PCDHGA3: variants seen among roughly 807,000 people sequenced by gnomAD.
PCDHGA3 encodes the protein protocadherin gamma subfamily A, 3, also known as protocadherin gamma-A3.
In PCDHGA3, 40 loss-of-function variants were observed where a neutral mutation model predicts 58.5. The ratio of observed to expected loss-of-function variants is 0.68; its 90% confidence interval spans 0.53 to 0.89. The LOEUF is 0.89. Among genes scored for constraint, PCDHGA3 ranks in the 40% least tolerant of loss-of-function variants. PCDHGA3 has a pLI of 0.00. For missense variants in PCDHGA3, 1,223 were observed against 1,195.9 expected (o/e 1.02, Z -0.33); for synonymous variants, 530 against 525.7 (o/e 1.01, Z -0.11).
chr5:141,401,725 T>C lies in PCDHGA3; in HGVS notation c.2424+55268T>C, dbSNP rs2094187242. Among the ~76,000 whole-genome samples the C allele has an allele frequency of 2.0e-5, 3 of 152,322 alleles. No individual in the cohort carries two copies. In the South Asian group the frequency reaches 6.2e-4, roughly 32 times the overall value. ...ATTCCATTTTTAAGACAAAAACTAC[T>C]AGTCTTGTGTACATACAAAGCTCCC... On this transcript the variant is annotated intron_variant, in intron 1 of 3. Coordinates refer to ENST00000253812, the MANE Select transcript of PCDHGA3 (RefSeq NM_018916.4).
At chr5:141,452,879 A>C (rs1389712789) in intron 1 of PCDHGA3, among the ~76,000 whole-genome samples, 1 of 152,200 alleles carries the variant, frequency 6.6e-6, no homozygotes, top group Admixed American at 6.5e-5. Context: ...CATTTGTAAT[A>C]ATTTATTCCA....
chr5:141,420,005 C>T, intron 1 of PCDHGA3: 2 of 1,614,056 alleles, frequency 1.2e-6, no homozygotes, highest in Non-Finnish European at 1.7e-6. Context: ...TCTACGCCTG[C>T]GACAGTCTTT....
intron 1 of PCDHGA3, among the ~76,000 whole-genome samples, chr5:141,475,442 T>A (rs1007534176): frequency 1.3e-5 from 2 of 152,238 alleles, no homozygotes; most frequent in African/African-American, 4.8e-5. Context: ...TAGCTCCAGA[T>A]AATGAGGAAG....
intron 1 of PCDHGA3, chr5:141,379,577 A>G (rs949228726): frequency 6.6e-6 from 1 of 152,178 alleles, no homozygotes; most frequent in African/African-American, 2.4e-5. Flanking sequence ...AGGCTGGTTT[A>G]TTTTATTCTC....
rs756134036 is a variant in PCDHGA3 at position 141,374,596 on chromosome 5, G to GC, written c.2424+28140dup. On this transcript the variant is annotated intron_variant, in intron 1 of 3. Transcript: ENST00000253812. ...GAATGAACTCCCTTCAGGGATTTAA[G>GC]CTCAGTGGTAATAGTCACTTCTCAG... The GC allele has an allele frequency of 1.9e-6, 3 of 1,613,578 alleles. No homozygotes were observed. The African/African-American group carries it at 4.0e-5, about 22-fold the overall frequency.
At chr5:141,365,961 G>T in intron 1 of PCDHGA3, 1 of 1,614,244 alleles carries the variant, frequency 6.2e-7, no homozygotes, top group Non-Finnish European at 8.5e-7. Context: ...CCACTTAGCA[G>T]CAACGTGTCG....
intron 1 of PCDHGA3, among the ~76,000 whole-genome samples, chr5:141,456,023 G>A (rs937523861): frequency 1.3e-5 from 2 of 151,586 alleles, no homozygotes; most frequent in South Asian, 2.1e-4. Context: ...TCAGCCTCCC[G>A]AGTAGCTGGG....
rs749995138 is a variant in PCDHGA3 at position 141,408,745 on chromosome 5, G to A, written c.2424+62288G>A. The A allele has an allele frequency of 3.7e-6, 6 of 1,609,862 alleles. No homozygotes were observed. In the African/African-American group the frequency reaches 4.0e-5, roughly 11 times the overall value. ...ACTCTAATCCTTATTTTTCATTAAT[G>A]GTTAGAGTTAATTCCGATGGTGGCA... On this transcript the variant is annotated intron_variant, in intron 1 of 3. Transcript: ENST00000253812.
Position 141,485,575 on chromosome 5 carries a change from G to C in PCDHGA3, c.2425-9232G>C, listed in dbSNP as rs1200831125. On this transcript the variant is annotated intron_variant, in intron 1 of 3. Coordinates refer to ENST00000253812, the MANE Select transcript of PCDHGA3 (RefSeq NM_018916.4). This position sits in a 1 kb window ranked among gnomAD's most constrained non-coding sequence, Gnocchi z 5.7. ...TGAATGATCACGCCCCCCGTTTTCC[G>C]CGGCAGCAGCTGGACTTGGAAATTG... 2 of 1,612,496 alleles carry C rather than the reference G, an allele frequency of 1.2e-6. No homozygotes were observed. The highest frequency in any genetic ancestry group is 2.7e-5 in the African/African-American group (2 of 74,918).
At chr5:141,508,815 C>T (rs1190983144) in intron 3 of PCDHGA3, among the ~76,000 whole-genome samples, 1 of 152,138 alleles carries the variant, frequency 6.6e-6, no homozygotes, top group East Asian at 1.9e-4. Context: ...TCTTTGAAGC[C>T]AGATCTGGGC....
At chr5:141,405,659 G>T (rs867774573) in intron 1 of PCDHGA3, among the ~76,000 whole-genome samples, 1 of 152,106 alleles carries the variant, frequency 6.6e-6, no homozygotes, top group East Asian at 1.9e-4. Flanking sequence ...TGTGTTTTTA[G>T]TAGAGACGGG....
intron 1 of PCDHGA3, chr5:141,418,598 T>G: frequency 6.2e-7 from 1 of 1,614,010 alleles, no homozygotes; most frequent in Non-Finnish European, 8.5e-7. Flanking sequence ...CCAGGACGTG[T>G]ACAGGGTTAG....
chr5:141,486,901 T>A lies in PCDHGA3; in HGVS notation c.2425-7906T>A. The A allele has an allele frequency of 6.2e-7, 1 of 1,614,238 alleles. No homozygotes were observed. Among genetic ancestry groups the A allele is most frequent in the Non-Finnish European group, 8.5e-7 (1 of 1,180,042 alleles). ...CTCGGGCCCGGCCTGGTTCCTTATG[T>A]CCCCAAGCACTGCCTCCATCAGTTG... On this transcript the variant is annotated intron_variant, in intron 1 of 3. Transcript: ENST00000253812. This position sits in a 1 kb window ranked among gnomAD's most constrained non-coding sequence, Gnocchi z 5.0.
rs2154576188 is a variant in PCDHGA3 at position 141,477,933 on chromosome 5, T to C, written c.2425-16874T>C. ...GCGGATGCAGGGCACAATGCCTGGCTCTCCTACAGTCTCTTGGGATCCCCT... is the reference window on the plus strand; with the variant it reads ...GCGGATGCAGGGCACAATGCCTGGCCCTCCTACAGTCTCTTGGGATCCCCT... On this transcript the variant is annotated intron_variant, in intron 1 of 3. Coordinates refer to ENST00000253812, the MANE Select transcript of PCDHGA3 (RefSeq NM_018916.4). The surrounding 1 kb of genome is among the most constrained non-coding windows in gnomAD (Gnocchi z 4.9). 1.2e-6 allele frequency: 2 copies of C among 1,614,112 alleles called. No homozygotes were observed. Among genetic ancestry groups the C allele is most frequent in the Non-Finnish European group, 1.7e-6 (2 of 1,180,022 alleles).
chr5:141,376,351 G>C (rs1333788917), intron 1 of PCDHGA3: 31 of 1,614,060 alleles, frequency 1.9e-5, no homozygotes, highest in Non-Finnish European at 2.6e-5. Flanking sequence ...ATTCCCACGA[G>C]GTCTCACTCA....
chr5:141,376,309 C>A (rs775051431), intron 1 of PCDHGA3: 109 of 1,614,030 alleles, frequency 6.8e-5, no homozygotes, highest in Non-Finnish European at 8.9e-5. Context: ...ACTTTGTGGG[C>A]GTGGAAGGGG....
intron 1 of PCDHGA3, among the ~76,000 whole-genome samples, chr5:141,439,557 A>C (rs766239185): frequency 1.2e-4 from 19 of 152,178 alleles, no homozygotes; most frequent in Non-Finnish European, 2.2e-4. Context: ...TTCAGGCTGC[A>C]GTTCTAGAGT....
At chr5:141,408,955 T>G in intron 1 of PCDHGA3, 1 of 1,613,616 alleles carries the variant, frequency 6.2e-7, no homozygotes, top group South Asian at 1.1e-5. Flanking sequence ...GAATTAGTCT[T>G]AGTGAAAATC....
At chr5:141,419,086 C>G (rs2096324558) in intron 1 of PCDHGA3, 1 of 1,613,808 alleles carries the variant, frequency 6.2e-7, no homozygotes, top group African/African-American at 1.3e-5. Context: ...CAGATGAGGC[C>G]CTGGATCGGG....
Sources: gnomAD v4.1 joint callset for allele counts (sites outside exome capture counted in the v4.1 genomes callset) on GRCh38, gnomAD v4.1.1 for gene constraint, Gnocchi (gnomAD v3.1) non-coding constraint, MANE v1.5 for transcripts, NCBI Gene and HGNC (gene_info 2026-07-23, HGNC 2026-07-21) for gene names.